The following TRIM5 variants were observed in gnomAD, a reference collection of about 807,000 sequenced individuals.
TRIM5 encodes the protein tripartite motif-containing protein 5.
In TRIM5, 31 loss-of-function variants were observed where a neutral mutation model predicts 35.6. The observed-to-expected ratio is 0.87, with a 90% confidence interval of 0.65 to 1.18. The LOEUF is 1.18. TRIM5 is among the 50% of genes most tolerant of loss of function. The pLI, the probability that TRIM5 is intolerant of heterozygous loss-of-function variation, is 0.00. For missense variants in TRIM5, 609 were observed against 591.6 expected (o/e 1.03, Z -0.31); for synonymous variants, 243 against 215.6 (o/e 1.13, Z -1.11).
chr11:5,608,399 G>A, the TRIM5 span: 1 of 1,613,670 alleles, frequency 6.2e-7, no homozygotes, highest in Non-Finnish European at 8.5e-7. Flanking sequence ...AGAAAGGTAT[G>A]TGTAAGGAGA....
At chr11:5,670,473 T>C (rs1176239264) in intron 4 of TRIM5, among the ~76,000 whole-genome samples, 1 of 152,096 alleles carries the variant, frequency 6.6e-6, no homozygotes, top group Non-Finnish European at 1.5e-5. Context: ...CCAGCCCAGA[T>C]GCCCATCTTA....
the TRIM5 span, chr11:5,642,744 C>T: frequency 3.1e-6 from 5 of 1,593,664 alleles, no homozygotes; most frequent in Non-Finnish European, 4.3e-6. Flanking sequence ...TGTCCCTACT[C>T]TAAAGAATAT....
chr11:5,604,518 A>G, the TRIM5 span: 3 of 1,607,220 alleles, frequency 1.9e-6, no homozygotes, highest in Non-Finnish European at 2.5e-6. Flanking sequence ...GCTTGACCTG[A>G]TTTGTTTTCT....
At chr11:5,600,223 G>A in the TRIM5 span, among the ~76,000 whole-genome samples, 2 of 152,110 alleles carry the variant, frequency 1.3e-5, no homozygotes, top group South Asian at 2.1e-4. Flanking sequence ...CACCGGCCCC[G>A]CCACTTGAAA....
chr11:5,618,371 AAAACAAAC>A, the TRIM5 span, among the ~76,000 whole-genome samples: 1 of 152,142 alleles, frequency 6.6e-6, no homozygotes, highest in Non-Finnish European at 1.5e-5. Flanking sequence ...CTCCATCTCA[AAAACAAAC>A]AAACAAACAA....
intron 4 of TRIM5, among the ~76,000 whole-genome samples, chr11:5,673,890 T>A (rs1195321887): frequency 6.6e-6 from 1 of 151,556 alleles, no homozygotes; most frequent in Non-Finnish European, 1.5e-5. Context: ...AAAATTAAAA[T>A]GTATGAAATA....
chr11:5,619,127 C>G, the TRIM5 span, among the ~76,000 whole-genome samples: 1 of 152,170 alleles, frequency 6.6e-6, no homozygotes, highest in Admixed American at 6.5e-5. Flanking sequence ...CTTGGTACTC[C>G]TATTACCTAA....
chr11:5,638,848 T>G, the TRIM5 span, among the ~76,000 whole-genome samples: 3 of 152,230 alleles, frequency 2.0e-5, no homozygotes, highest in Non-Finnish European at 4.4e-5. Flanking sequence ...GGAGTTTATT[T>G]TTGCAACTGG....
At chr11:5,669,386 C>T (rs1203127635) in intron 4 of TRIM5, among the ~76,000 whole-genome samples, 1 of 152,184 alleles carries the variant, frequency 6.6e-6, no homozygotes, top group Non-Finnish European at 1.5e-5. Context: ...AGCTAGTTTA[C>T]ATTCTTAATG....
At chr11:5,612,271 T>C in the TRIM5 span, 1 of 152,242 alleles carries the variant, frequency 6.6e-6, no homozygotes, top group Admixed American at 6.5e-5. Flanking sequence ...TTTGTATAAG[T>C]ATGTATAGGA....
At chr11:5,601,827 C>T in the TRIM5 span, among the ~76,000 whole-genome samples, 2 of 151,972 alleles carry the variant, frequency 1.3e-5, no homozygotes, top group East Asian at 3.9e-4. Context: ...TCTGAGAAGG[C>T]GAGCATGTGG....
At chr11:5,611,124 G>A in the TRIM5 span, 20 of 1,614,164 alleles carry the variant, frequency 1.2e-5, no homozygotes, top group Non-Finnish European at 1.7e-5. Context: ...GGCCTATGAG[G>A]ATTCTTCCCC....
At chr11:5,646,660 C>A in the TRIM5 span, among the ~76,000 whole-genome samples, 1 of 151,954 alleles carries the variant, frequency 6.6e-6, no homozygotes, top group East Asian at 1.9e-4. Flanking sequence ...AATTGACTCC[C>A]AAACCTCTGA....
chr11:5,619,679 C>G, the TRIM5 span: 2 of 143,410 alleles, frequency 1.4e-5, no homozygotes, highest in African/African-American at 5.4e-5. Context: ...CAGGCAACTC[C>G]TGTTTTAAAT....
chr11:5,609,495 A>G, the TRIM5 span, among the ~76,000 whole-genome samples: 1 of 152,208 alleles, frequency 6.6e-6, no homozygotes, highest in Admixed American at 6.5e-5. Flanking sequence ...AATATTTTAT[A>G]TCTTTTTTTA....
chr11:5,595,268 T>G, the TRIM5 span: 2 of 152,192 alleles, frequency 1.3e-5, no homozygotes, highest in Non-Finnish European at 2.9e-5. Flanking sequence ...TTGACATTCT[T>G]TTTCTTCTCA....
the TRIM5 span, among the ~76,000 whole-genome samples, chr11:5,631,921 A>G: frequency 2.0e-5 from 3 of 152,178 alleles, no homozygotes; most frequent in Admixed American, 2.0e-4. Context: ...AAGATGGCAA[A>G]TGTACACTGA....
chr11:5,645,410 A>AC, the TRIM5 span, among the ~76,000 whole-genome samples: 1 of 150,290 alleles, frequency 6.7e-6, no homozygotes, highest in Non-Finnish European at 1.5e-5. Context: ...AAAAAAAAAA[A>AC]CTGTGAAAAA....
At chr11:5,667,223 C>T (rs1480487831) in intron 5 of TRIM5, among the ~76,000 whole-genome samples, 2 of 151,968 alleles carry the variant, frequency 1.3e-5, no homozygotes, top group Non-Finnish European at 2.9e-5. Flanking sequence ...ATTGATTTTT[C>T]TAAGACAGAG....
Sources: gnomAD v4.1 joint callset for allele counts (sites outside exome capture counted in the v4.1 genomes callset) on GRCh38, gnomAD v4.1.1 for gene constraint, MANE v1.5 for transcripts, NCBI Gene and HGNC (gene_info 2026-07-23, HGNC 2026-07-21) for gene names.